The following CADM2 variants were observed in gnomAD, a reference collection of about 807,000 sequenced individuals.
CADM2 encodes cell adhesion molecule 2, also known as immunoglobulin superfamily member 4D.
A neutral mutation model predicts 49.8 loss-of-function variants in CADM2; 12 were observed. That is an observed-to-expected ratio of 0.24 (90% confidence interval 0.15 to 0.39). CADM2 has a LOEUF of 0.39. CADM2 is among the 10% of genes least tolerant of loss of function. The pLI, the probability that CADM2 is intolerant of heterozygous loss-of-function variation, is 1.00. For synonymous variants in CADM2, 214 were observed against 175.4 expected (o/e 1.22, Z -1.74); for missense variants, 378 against 492.3 (o/e 0.77, Z 2.20).
intron 8 of CADM2, among the ~76,000 whole-genome samples, chr3:86,059,438 T>C (rs1738362517): frequency 6.6e-6 from 1 of 152,194 alleles, no homozygotes; most frequent in Non-Finnish European, 1.5e-5. Context: ...TAACTCTAAA[T>C]GAAAGTTGTT....
intron 2 of CADM2, among the ~76,000 whole-genome samples, chr3:85,772,493 CAG>C (rs59884140): frequency 0.051 from 7,709 of 152,044 alleles, 547 homozygotes; most frequent in African/African-American, 0.16. Flanking sequence ...GACAAATTCT[CAG>C]AAACAAACAA....
At chr3:85,674,154 A>C in intron 1 of CADM2, among the ~76,000 whole-genome samples, 1 of 152,070 alleles carries the variant, frequency 6.6e-6, no homozygotes, top group South Asian at 2.1e-4. Context: ...GATATTAGTT[A>C]AAAAAAATGG....
intron 1 of CADM2, among the ~76,000 whole-genome samples, chr3:85,689,124 T>A (rs1307691096): frequency 6.6e-6 from 1 of 152,174 alleles, no homozygotes; most frequent in African/African-American, 2.4e-5. Context: ...AAAACATGGA[T>A]GAATCTGAAA....
intron 1 of CADM2, among the ~76,000 whole-genome samples, chr3:85,235,695 T>C (rs1347074806): frequency 2.6e-5 from 4 of 152,120 alleles, no homozygotes; most frequent in African/African-American, 9.6e-5. Flanking sequence ...TTTTGAAGTG[T>C]CGTCTCCCAT....
At chr3:85,087,521 CT>C (rs1013121879) in intron 1 of CADM2, among the ~76,000 whole-genome samples, 18 of 152,176 alleles carry the variant, frequency 1.2e-4, no homozygotes, top group African/African-American at 4.3e-4. Context: ...ATGGTAGTTT[CT>C]TTTTGCCCAC....
At chr3:85,246,510 A>G (rs2042650483) in intron 1 of CADM2, among the ~76,000 whole-genome samples, 1 of 152,128 alleles carries the variant, frequency 6.6e-6, no homozygotes, top group Non-Finnish European at 1.5e-5. Context: ...TATTGAATAA[A>G]ATTATTAATA....
At chr3:85,110,093 G>A (rs2038394325) in intron 1 of CADM2, among the ~76,000 whole-genome samples, 1 of 151,932 alleles carries the variant, frequency 6.6e-6, no homozygotes, top group Admixed American at 6.6e-5. Flanking sequence ...ATGTTGTGCA[G>A]CAATTTCATC....
At chr3:85,876,531 G>T (rs1234918587) in intron 3 of CADM2, among the ~76,000 whole-genome samples, 1 of 152,066 alleles carries the variant, frequency 6.6e-6, no homozygotes, top group Non-Finnish European at 1.5e-5. Flanking sequence ...AGAAAAAAAT[G>T]TAAGAAATGT....
intron 1 of CADM2, among the ~76,000 whole-genome samples, chr3:85,046,003 G>C (rs2035639816): frequency 6.6e-6 from 1 of 152,066 alleles, no homozygotes; most frequent in Admixed American, 6.6e-5. Context: ...ATAGAATCCA[G>C]AACAGGTGGT....
intron 3 of CADM2, among the ~76,000 whole-genome samples, chr3:85,817,138 AGGTAGCGTTATTTTAGTACCAAAGTGTG>A (rs1472838951): frequency 6.6e-6 from 1 of 152,178 alleles, no homozygotes; most frequent in East Asian, 1.9e-4. Context: ...GAAATGTAGG[AGGTAGCGTTATTTTAGTACCAAAGTGTG>A]GGTATTTTTA....
chr3:85,921,427 T>G (rs1273861045), intron 6 of CADM2, among the ~76,000 whole-genome samples: 1 of 152,030 alleles, frequency 6.6e-6, no homozygotes, highest in Non-Finnish European at 1.5e-5. Context: ...TCTTGATATA[T>G]TAGGAAAGAT....
At chr3:85,210,544 TTC>T (rs1337667979) in intron 1 of CADM2, among the ~76,000 whole-genome samples, 3 of 152,064 alleles carry the variant, frequency 2.0e-5, no homozygotes, top group African/African-American at 4.8e-5. Context: ...GGGGATTTTT[TTC>T]TTTTTTCTTT....
chr3:85,817,280 GT>G (rs1312157625), intron 3 of CADM2, among the ~76,000 whole-genome samples: 1 of 151,986 alleles, frequency 6.6e-6, no homozygotes. Context: ...ATTGCTTTGA[GT>G]TTTCCATATC....
At chr3:85,031,789 G>A (rs140334675) in intron 1 of CADM2, among the ~76,000 whole-genome samples, 1 of 152,198 alleles carries the variant, frequency 6.6e-6, no homozygotes, top group South Asian at 2.1e-4. Context: ...CAGAGTGCCG[G>A]GATTACAGAC....
At chr3:85,902,196 G>T (rs1249235818) in intron 5 of CADM2, among the ~76,000 whole-genome samples, 1 of 151,904 alleles carries the variant, frequency 6.6e-6, no homozygotes, top group Non-Finnish European at 1.5e-5. Context: ...TACCTTAAGT[G>T]CTCTCTTTAC....
intron 1 of CADM2, among the ~76,000 whole-genome samples, chr3:85,629,865 C>T (rs937025351): frequency 2.0e-5 from 3 of 151,950 alleles, no homozygotes; most frequent in African/African-American, 7.2e-5. Context: ...TCTTAAACTT[C>T]TCAATTTTTT....
intron 1 of CADM2, among the ~76,000 whole-genome samples, chr3:85,043,577 GC>G (rs2035530168): frequency 6.6e-6 from 1 of 152,004 alleles, no homozygotes; most frequent in South Asian, 2.1e-4. Context: ...TACTCAGGAG[GC>G]TGAGTTCAGA....
At chr3:85,740,970 G>T (rs919630128) in intron 2 of CADM2, among the ~76,000 whole-genome samples, 35 of 152,264 alleles carry the variant, frequency 2.3e-4, no homozygotes, top group Admixed American at 4.6e-4. Context: ...GGTAATCCTA[G>T]TTCAGGACAA....
intron 8 of CADM2, among the ~76,000 whole-genome samples, chr3:86,008,639 G>T (rs1310202702): frequency 6.6e-6 from 1 of 151,892 alleles, no homozygotes; most frequent in Non-Finnish European, 1.5e-5. Context: ...GGATTTAGAG[G>T]GCTAAATTTT....
Sources: allele counts gnomAD v4.1 joint callset (sites outside exome capture counted in the v4.1 genomes callset), GRCh38; gene constraint gnomAD v4.1.1; transcripts MANE v1.5; gene names NCBI Gene and HGNC (gene_info 2026-07-23, HGNC 2026-07-21).